SDK1: variants seen among roughly 807,000 people sequenced by gnomAD.
SDK1 encodes the protein protein sidekick-1.
Under a neutral mutation model 245.5 loss-of-function variants are expected in SDK1, and 157 were observed. The ratio of observed to expected loss-of-function variants is 0.64; its 90% CI spans 0.56 to 0.73. The LOEUF (loss-of-function observed/expected upper bound fraction) is 0.73. Ranked by LOEUF, SDK1 falls within the 30% of genes least tolerant of loss-of-function variation. SDK1 has a pLI of 0.00. For missense variants in SDK1, 3,583 were observed against 3,002.3 expected (o/e 1.19, Z -4.52); for synonymous variants, 1,647 against 1,278.5 (o/e 1.29, Z -6.15).
intron 31 of SDK1, among the ~76,000 whole-genome samples, chr7:4,161,457 G>A (rs563907453): frequency 7.2e-5 from 11 of 152,314 alleles, no homozygotes; most frequent in Non-Finnish European, 1.3e-4. Context: ...TCTCCCAGAA[G>A]ACCTGAGCCC....
chr7:3,343,071 A>G (rs1176706869), intron 1 of SDK1, among the ~76,000 whole-genome samples: 6 of 151,226 alleles, frequency 4.0e-5, no homozygotes, highest in Non-Finnish European at 8.8e-5. Flanking sequence ...TGCTAGTGGG[A>G]ATGTAAAATG....
intron 4 of SDK1, among the ~76,000 whole-genome samples, chr7:3,750,391 A>C (rs1322823514): frequency 6.6e-6 from 1 of 152,228 alleles, no homozygotes; most frequent in Non-Finnish European, 1.5e-5. Flanking sequence ...ATTTATATGC[A>C]CTGCCTTCTA....
intron 28 of SDK1, among the ~76,000 whole-genome samples, chr7:4,138,703 A>G (rs1779257033): frequency 6.6e-6 from 1 of 151,298 alleles, no homozygotes; most frequent in African/African-American, 2.4e-5. Context: ...AGCCGAGATC[A>G]TACCATTACA....
chr7:3,643,624 C>A (rs1006001584), intron 4 of SDK1: 2 of 150,296 alleles, frequency 1.3e-5, no homozygotes, highest in Non-Finnish European at 2.9e-5. Context: ...CTGTGGAATC[C>A]CTTCCCTAAG....
intron 4 of SDK1, among the ~76,000 whole-genome samples, chr7:3,732,897 T>C (rs1181026934): frequency 6.6e-6 from 1 of 152,206 alleles, no homozygotes; most frequent in African/African-American, 2.4e-5. Context: ...CCTGACTTGC[T>C]GTGGAGAATG....
intron 1 of SDK1, among the ~76,000 whole-genome samples, chr7:3,420,526 ATAGCTCTAAG>A (rs1389157721): frequency 6.6e-6 from 1 of 152,176 alleles, no homozygotes; most frequent in African/African-American, 2.4e-5. Context: ...TTGCTTTATC[ATAGCTCTAAG>A]TAGTCGTGCT....
chr7:3,771,470 C>A (rs549999039), intron 4 of SDK1, among the ~76,000 whole-genome samples: 1 of 152,022 alleles, frequency 6.6e-6, no homozygotes, highest in Non-Finnish European at 1.5e-5. Flanking sequence ...CTTAACTCAC[C>A]CTCATTGTTG....
At chr7:4,027,519 T>G (rs938078090) in intron 17 of SDK1, among the ~76,000 whole-genome samples, 1 of 152,206 alleles carries the variant, frequency 6.6e-6, no homozygotes, top group Non-Finnish European at 1.5e-5. Flanking sequence ...GCCTATGAAT[T>G]GCTCTCCCAG....
At chr7:3,639,522 C>T (rs1005530996) in intron 3 of SDK1, among the ~76,000 whole-genome samples, 1 of 152,184 alleles carries the variant, frequency 6.6e-6, no homozygotes, top group African/African-American at 2.4e-5. Context: ...AATCATGCTG[C>T]ACCACAAAAG....
chr7:3,428,882 C>G (rs950952272), intron 1 of SDK1, among the ~76,000 whole-genome samples: 1 of 152,104 alleles, frequency 6.6e-6, no homozygotes, highest in Non-Finnish European at 1.5e-5. Context: ...GAAAACTGGT[C>G]TAAATAGTTA....
rs1163275778 is a variant in SDK1 at position 3,346,827 on chromosome 7, A to ATTTTTTT, written c.298+44961_298+44967dup. 2.9e-3 allele frequency among the ~76,000 whole-genome samples: 48 copies of ATTTTTTT among 16,386 alleles called. 5 individuals are homozygous for ATTTTTTT. Among genetic ancestry groups the ATTTTTTT allele is most frequent in the African/African-American group, 4.9e-3 (21 of 4,320 alleles). The allele number at this position is 16,386 out of a possible 152,430, so 10.7% of individuals were successfully genotyped here. ...TGTGTGTATATATATATATATATAT[A>ATTTTTTT]TTTTTTTTTTTTTTTTTTTTTTTTG... On this transcript the variant is annotated intron_variant, in intron 1 of 44. Transcript: ENST00000404826.
chr7:3,304,004 A>G (rs1206160625), intron 1 of SDK1, among the ~76,000 whole-genome samples: 1 of 152,174 alleles, frequency 6.6e-6, no homozygotes, highest in African/African-American at 2.4e-5. Flanking sequence ...TGAAGCTATG[A>G]CTAATTTCTC....
chr7:3,898,778 G>A (rs781228601), intron 5 of SDK1, among the ~76,000 whole-genome samples: 4 of 152,144 alleles, frequency 2.6e-5, no homozygotes, highest in Non-Finnish European at 5.9e-5. Flanking sequence ...ATTAGAGCTC[G>A]TTGGGAACGT....
In SDK1 at chr7:3,642,155, G is replaced by T. The variant is rs375439582; in HGVS notation, c.713+50G>T. On this transcript the variant is annotated intron_variant, in intron 4 of 44. Transcript: ENST00000404826. ...TTCAAATACAATTGTAATGTCACTT[G>T]CTGGCACCATCTACACAGTAAGTGT... The T allele has an allele frequency of 1.9e-6, 3 of 1,560,350 alleles. No individual in the cohort carries two copies. The African/African-American group carries it at 4.1e-5, about 21-fold the overall frequency.
intron 1 of SDK1, among the ~76,000 whole-genome samples, chr7:3,401,031 G>A (rs923496693): frequency 2.0e-5 from 3 of 152,162 alleles, no homozygotes; most frequent in Non-Finnish European, 4.4e-5. Context: ...ATCTAATACT[G>A]CCTCTGCGTG....
chr7:3,882,351 C>T (rs1039744358), intron 5 of SDK1, among the ~76,000 whole-genome samples: 3 of 152,106 alleles, frequency 2.0e-5, no homozygotes, highest in Non-Finnish European at 2.9e-5. Context: ...GCAGGGAGGG[C>T]GACCTTGGAT....
intron 5 of SDK1, among the ~76,000 whole-genome samples, chr7:3,871,918 A>C (rs1453383569): frequency 6.6e-6 from 1 of 152,224 alleles, no homozygotes; most frequent in African/African-American, 2.4e-5. Flanking sequence ...TTTTACCATT[A>C]AATCTGATGT....
chr7:3,867,464 C>T (rs116796915), intron 5 of SDK1, among the ~76,000 whole-genome samples: 7,144 of 152,200 alleles, frequency 0.047, 534 homozygotes, highest in African/African-American at 0.16. Flanking sequence ...TTAATGGACT[C>T]ACAGTGTCAT....
chr7:3,333,273 T>A (rs1780115744), intron 1 of SDK1, among the ~76,000 whole-genome samples: 1 of 152,182 alleles, frequency 6.6e-6, no homozygotes, highest in Non-Finnish European at 1.5e-5. Context: ...ACTTTTGGAA[T>A]GTCTGCAATG....
Sources: allele counts gnomAD v4.1 joint callset (sites outside exome capture counted in the v4.1 genomes callset), GRCh38; gene constraint gnomAD v4.1.1; transcripts MANE v1.5; gene names NCBI Gene and HGNC (gene_info 2026-07-23, HGNC 2026-07-21).